SPOCK3: variants seen among roughly 807,000 people sequenced by gnomAD.
SPOCK3 encodes the protein SPARC (osteonectin), cwcv and kazal like domains proteoglycan 3, also known as testican-3.
Under a neutral mutation model 56.6 loss-of-function variants are expected in SPOCK3, and 30 were observed. The ratio of observed to expected loss-of-function variants is 0.53; its 90% confidence interval spans 0.40 to 0.72. The LOEUF (loss-of-function observed/expected upper bound fraction) is 0.72. SPOCK3 is among the 30% of genes least tolerant of loss of function. SPOCK3 has a pLI of 0.00. For synonymous variants in SPOCK3, 196 were observed against 183.3 expected (o/e 1.07, Z -0.56); for missense variants, 527 against 530.0 (o/e 0.99, Z 0.06).
At chr4:166,810,306 A>G (rs147699899) in intron 6 of SPOCK3, among the ~76,000 whole-genome samples, 1,941 of 152,234 alleles carry the variant, frequency 0.013, 28 homozygotes, top group Middle Eastern at 0.037. Context: ...ATATAATAAC[A>G]TATCACTAAC....
chr4:167,068,111 A>C (rs1453306352), intron 2 of SPOCK3, among the ~76,000 whole-genome samples: 1 of 151,708 alleles, frequency 6.6e-6, no homozygotes, highest in East Asian at 1.9e-4. Flanking sequence ...AATTATGAAG[A>C]TCTAAGGATG....
intron 4 of SPOCK3, among the ~76,000 whole-genome samples, chr4:166,930,464 A>G (rs1301409296): frequency 6.8e-6 from 1 of 147,820 alleles, no homozygotes; most frequent in East Asian, 2.1e-4. Flanking sequence ...ACTGACATAA[A>G]TCCTTTCAGT....
chr4:167,138,591 AT>A (rs1252991601), intron 2 of SPOCK3, among the ~76,000 whole-genome samples: 4 of 151,940 alleles, frequency 2.6e-5, no homozygotes, highest in Non-Finnish European at 5.9e-5. Context: ...CAGAAAATCT[AT>A]CTTTTGGATC....
chr4:167,142,929 G>T (rs77600462), intron 2 of SPOCK3, among the ~76,000 whole-genome samples: 1,633 of 152,002 alleles, frequency 0.011, 17 homozygotes, highest in African/African-American at 0.035. Context: ...TCCTCATGAT[G>T]ATAAAAGGAA....
chr4:166,816,774 T>C (rs1243904455), intron 6 of SPOCK3, among the ~76,000 whole-genome samples: 1 of 151,960 alleles, frequency 6.6e-6, no homozygotes, highest in Non-Finnish European at 1.5e-5. Flanking sequence ...CAAATATGGA[T>C]AAAAACATTA....
chr4:167,069,462 G>T (rs918188073), intron 2 of SPOCK3, among the ~76,000 whole-genome samples: 1 of 151,902 alleles, frequency 6.6e-6, no homozygotes, highest in African/African-American at 2.4e-5. Context: ...GTCAGAACAT[G>T]ATATCATAAG....
intron 3 of SPOCK3, among the ~76,000 whole-genome samples, chr4:167,045,957 G>T (rs771466690): frequency 3.3e-5 from 5 of 152,056 alleles, no homozygotes; most frequent in African/African-American, 4.8e-5. Flanking sequence ...TGTCTCCGAA[G>T]AACTTCTTTT....
chr4:167,189,168 G>T (rs1732261246), intron 2 of SPOCK3, among the ~76,000 whole-genome samples: 1 of 144,944 alleles, frequency 6.9e-6, no homozygotes, highest in Non-Finnish European at 1.5e-5. Context: ...TAGACAAAGG[G>T]CAAAAAATAA....
At chr4:166,766,568 T>C (rs1738088830) in intron 7 of SPOCK3, among the ~76,000 whole-genome samples, 1 of 152,196 alleles carries the variant, frequency 6.6e-6, no homozygotes, top group South Asian at 2.1e-4. Context: ...AGCTTTTTGA[T>C]GTGCTGCTGG....
chr4:167,127,882 G>T (rs1481514477), intron 2 of SPOCK3, among the ~76,000 whole-genome samples: 1 of 152,126 alleles, frequency 6.6e-6, no homozygotes, highest in African/African-American at 2.4e-5. Context: ...GAGGTATAAC[G>T]AAATTATCAA....
At chr4:167,138,010 A>T (rs1763257905) in intron 2 of SPOCK3, among the ~76,000 whole-genome samples, 1 of 151,828 alleles carries the variant, frequency 6.6e-6, no homozygotes, top group Admixed American at 6.6e-5. Flanking sequence ...CATTTTAAAT[A>T]ATCTTAAATT....
chr4:166,875,885 A>G (rs1733027278), intron 6 of SPOCK3, among the ~76,000 whole-genome samples: 1 of 152,204 alleles, frequency 6.6e-6, no homozygotes, highest in Non-Finnish European at 1.5e-5. Flanking sequence ...ACTCTGAAAG[A>G]ATGTAGACAG....
chr4:166,780,126 T>G (rs1740001226), intron 7 of SPOCK3, among the ~76,000 whole-genome samples: 1 of 152,074 alleles, frequency 6.6e-6, no homozygotes, highest in African/African-American at 2.4e-5. Flanking sequence ...AAACCACAAT[T>G]TTCTTGAATC....
chr4:166,870,880 G>A (rs1435873738), intron 6 of SPOCK3, among the ~76,000 whole-genome samples: 1 of 152,046 alleles, frequency 6.6e-6, no homozygotes, highest in Non-Finnish European at 1.5e-5. Flanking sequence ...GTACCCCCAT[G>A]CTCTTCTCAT....
intron 3 of SPOCK3, among the ~76,000 whole-genome samples, chr4:167,038,444 T>C (rs1397230044): frequency 6.6e-6 from 1 of 152,200 alleles, no homozygotes; most frequent in East Asian, 1.9e-4. Context: ...TTATATTTTC[T>C]AGCTAATCTT....
At chr4:167,169,659 A>G (rs1299782002) in intron 2 of SPOCK3, among the ~76,000 whole-genome samples, 1 of 152,166 alleles carries the variant, frequency 6.6e-6, no homozygotes, top group East Asian at 1.9e-4. Flanking sequence ...AAATTAGTTT[A>G]GAATTTAGGG....
chr4:166,788,599 A>G (rs1206768753), intron 7 of SPOCK3, among the ~76,000 whole-genome samples: 2 of 151,746 alleles, frequency 1.3e-5, no homozygotes, highest in East Asian at 3.9e-4. Flanking sequence ...TATTCATAAT[A>G]TCTGCTTATT....
At chr4:166,802,212 G>A (rs1031479787) in intron 6 of SPOCK3, among the ~76,000 whole-genome samples, 1 of 151,884 alleles carries the variant, frequency 6.6e-6, no homozygotes, top group Admixed American at 6.6e-5. Flanking sequence ...GTATATTTGA[G>A]TTTCTGTCTG....
intron 2 of SPOCK3, among the ~76,000 whole-genome samples, chr4:167,200,737 CA>C (rs1733435182): frequency 6.6e-6 from 1 of 151,964 alleles, no homozygotes; most frequent in Non-Finnish European, 1.5e-5. Context: ...GTTGAGAAAA[CA>C]AGTTGGAAAT....
Sources: gnomAD v4.1 joint callset for allele counts (sites outside exome capture counted in the v4.1 genomes callset) on GRCh38, gnomAD v4.1.1 for gene constraint, MANE v1.5 for transcripts, NCBI Gene and HGNC (gene_info 2026-07-23, HGNC 2026-07-21) for gene names.